Variants in ARHGEF4 observed in about 807,000 individuals in gnomAD.
The protein encoded by ARHGEF4 is APC-stimulated guanine nucleotide exchange factor 1.
ARHGEF4 carries 119 observed loss-of-function variants against 162.0 expected under a neutral mutation model. That is an observed-to-expected ratio of 0.73 (90% confidence interval 0.63 to 0.86). The LOEUF (loss-of-function observed/expected upper bound fraction) is 0.86, where lower values mean the gene tolerates loss of function less well. Among genes scored for constraint, ARHGEF4 ranks in the 40% least tolerant of loss-of-function variants. ARHGEF4 has a pLI of 0.00. For synonymous variants in ARHGEF4, 1,014 were observed against 979.9 expected (o/e 1.03, Z -0.65); for missense variants, 2,488 against 2,456.0 (o/e 1.01, Z -0.28).
intron 4 of ARHGEF4, among the ~76,000 whole-genome samples, chr2:130,953,220 T>A (rs1684060525): frequency 6.6e-6 from 1 of 151,982 alleles, no homozygotes; most frequent in South Asian, 2.1e-4. Flanking sequence ...TATAGACCAA[T>A]GGAACAGAAC....
intron 4 of ARHGEF4, among the ~76,000 whole-genome samples, chr2:131,005,711 G>A (rs1688077534): frequency 2.0e-5 from 3 of 152,100 alleles, no homozygotes; most frequent in Admixed American, 6.5e-5. Flanking sequence ...AGTGCCCAGC[G>A]CCCCAGGGGC....
At chr2:130,903,049 G>T (rs1241321040) in intron 1 of ARHGEF4, among the ~76,000 whole-genome samples, 1 of 150,406 alleles carries the variant, frequency 6.6e-6, no homozygotes, top group Non-Finnish European at 1.5e-5. Context: ...CATTCATCGA[G>T]GTTTTTTTAT....
chr2:131,045,822 C>T, intron 13 of ARHGEF4: 1 of 1,435,050 alleles, frequency 7.0e-7, no homozygotes, highest in Non-Finnish European at 9.1e-7. Flanking sequence ...CCCCCCTCTT[C>T]AGGCTGCTGC....
intron 1 of ARHGEF4, chr2:130,837,516 G>A: frequency 2.5e-6 from 1 of 407,942 alleles, no homozygotes; most frequent in South Asian, 1.8e-5. Flanking sequence ...CTGGGGTCGG[G>A]GCTGTTGGGC....
intron 1 of ARHGEF4, among the ~76,000 whole-genome samples, chr2:130,904,023 G>A (rs1475049729): frequency 1.3e-5 from 2 of 152,142 alleles, no homozygotes; most frequent in East Asian, 3.9e-4. Context: ...CTTTTCCTTT[G>A]GGTAGATAAC....
Position 130,916,829 on chromosome 2 carries a change from C to G in ARHGEF4, c.2883C>G (p.Ala961=), listed in dbSNP as rs777436712. Residue 961 remains alanine, a synonymous_variant, in exon 2 of 14, where the codon GCC becomes GCG. Transcript: ENST00000409359. ...GGGCGTTTCTGAAAAGCAAAGATGC[C>G]GGAAGCCCCAAAAAGCCCACCCTAG... ...SWRAFLKSKD[A]GSPKKPTLVS... is the part of the protein sequence containing the mutation. 1 of 1,550,356 alleles carries G rather than the reference C, an allele frequency of 6.5e-7. No homozygotes were observed. Among genetic ancestry groups the G allele is most frequent in the Non-Finnish European group, 8.7e-7 (1 of 1,146,976 alleles).
chr2:130,914,025 A>G lies in ARHGEF4; in HGVS notation c.79A>G (p.Ile27Val), dbSNP rs1393122901. ...PGAHLPGEGE[I>V]EDNQLPTSPA... ...TGCACACCTGCCAGGTGAAGGTGAG[A>G]TTGAAGATAACCAGCTCCCCACATC... The change falls in exon 2 of 14, where the codon ATT becomes GTT. Residue 27 changes from isoleucine to valine, a missense_variant. Physicochemically the swap from Ile to Val is conservative, Grantham distance 29. Around this residue, in one of 6 missense-constraint regions of ARHGEF4, gnomAD observed 171 missense variants for 169.4 expected, o/e 1.01. Transcript: ENST00000409359. 6.5e-7 allele frequency: 1 copy of G among 1,536,124 alleles called. No individual in the cohort carries two copies. Among genetic ancestry groups the G allele is most frequent in the South Asian group, 1.2e-5 (1 of 84,048 alleles).
intron 1 of ARHGEF4, among the ~76,000 whole-genome samples, chr2:130,890,560 T>TAAA (rs1182979069): frequency 8.7e-5 from 12 of 137,648 alleles, no homozygotes; most frequent in Admixed American, 3.1e-4. Flanking sequence ...AGACTCCGTT[T>TAAA]AAAAAAAAAA....
chr2:131,039,868 G>C, intron 6 of ARHGEF4, 148 bp from the exon 7 acceptor site: 1 of 1,429,564 alleles, frequency 7.0e-7, no homozygotes, highest in Non-Finnish European at 9.1e-7. Flanking sequence ...TGGGTGGCGT[G>C]GTGGGGGGAG....
chr2:130,957,951 G>T (rs543471053), intron 4 of ARHGEF4, among the ~76,000 whole-genome samples: 31 of 151,774 alleles, frequency 2.0e-4, no homozygotes, highest in African/African-American at 7.0e-4. Flanking sequence ...CTGAACTAAG[G>T]CATTTTACAA....
At chr2:131,039,421 CAA>C in intron 6 of ARHGEF4, 1 of 1,039,748 alleles carries the variant, frequency 9.6e-7, no homozygotes, top group Non-Finnish European at 1.2e-6. Flanking sequence ...GAGGCACGGT[CAA>C]GTTATTAGCC....
intron 3 of ARHGEF4, among the ~76,000 whole-genome samples, chr2:130,943,649 G>A (rs78262536): frequency 0.021 from 3,167 of 151,988 alleles, 104 homozygotes; most frequent in African/African-American, 0.071. Context: ...TAACATTTCC[G>A]TCTAGTTAGA....
intron 1 of ARHGEF4, among the ~76,000 whole-genome samples, chr2:130,840,778 G>T (rs1333687514): frequency 6.6e-6 from 1 of 152,188 alleles, no homozygotes; most frequent in African/African-American, 2.4e-5. Context: ...GACATCCTGG[G>T]CTACCAGGAA....
intron 4 of ARHGEF4, among the ~76,000 whole-genome samples, chr2:130,956,702 C>G (rs1004446523): frequency 2.6e-5 from 4 of 151,910 alleles, no homozygotes; most frequent in Admixed American, 6.6e-5. Flanking sequence ...TCATCATTCT[C>G]AGTAAACTAT....
chr2:130,991,140 A>T (rs1379995289), intron 4 of ARHGEF4, among the ~76,000 whole-genome samples: 1 of 152,254 alleles, frequency 6.6e-6, no homozygotes, highest in African/African-American at 2.4e-5. Flanking sequence ...ACAGTGTGCC[A>T]CTCATGATGG....
chr2:130,957,107 AC>A (rs373961433), intron 4 of ARHGEF4, among the ~76,000 whole-genome samples: 1,969 of 152,210 alleles, frequency 0.013, 26 homozygotes, highest in South Asian at 0.026. Flanking sequence ...CATAAAACTT[AC>A]CCTTTTAAAG....
chr2:130,867,671 T>C (rs1682380924), intron 1 of ARHGEF4, among the ~76,000 whole-genome samples: 1 of 152,094 alleles, frequency 6.6e-6, no homozygotes, highest in South Asian at 2.1e-4. Context: ...GTGTCATGAG[T>C]CCCTTTTCCT....
At chr2:130,953,710 GAAA>G (rs1473038243) in intron 4 of ARHGEF4, among the ~76,000 whole-genome samples, 1 of 151,884 alleles carries the variant, frequency 6.6e-6, no homozygotes, top group Non-Finnish European at 1.5e-5. Context: ...AAATTTACAA[GAAA>G]AAAACAACCC....
At chr2:130,889,462 A>G (rs1679725917) in intron 1 of ARHGEF4, among the ~76,000 whole-genome samples, 2 of 151,898 alleles carry the variant, frequency 1.3e-5, no homozygotes, top group Admixed American at 1.3e-4. Flanking sequence ...TTCATCCTTT[A>G]GATTTGCCTT....
Sources: allele counts gnomAD v4.1 joint callset (sites outside exome capture counted in the v4.1 genomes callset), GRCh38; gene constraint gnomAD v4.1.1; regional missense constraint gnomAD v4.1.1; transcripts MANE v1.5; gene names NCBI Gene and HGNC (gene_info 2026-07-23, HGNC 2026-07-21).